Variants in URB1 observed in about 807,000 individuals in gnomAD.
URB1 encodes the protein URB1 ribosome biogenesis factor, also known as nucleolar pre-ribosomal-associated protein 1.
Under a neutral mutation model 242.3 loss-of-function variants are expected in URB1, and 197 were observed. The observed-to-expected ratio is 0.81, with a 90% CI of 0.72 to 0.91. The LOEUF is 0.91. Ranked by LOEUF, URB1 falls within the 40% of genes least tolerant of loss-of-function variation. URB1 has a pLI of 0.00. For synonymous variants in URB1, 1,153 were observed against 1,201.8 expected, an observed-to-expected ratio of 0.96 and a Z score of 0.84; for missense variants, 2,721 against 2,860.5, an observed-to-expected ratio of 0.95 and a Z score of 1.11.
At position 32,373,722 on chromosome 21, in the gene URB1, C is replaced by T. The variant is rs374005303; in HGVS notation, c.801G>A (p.Thr267=). 42 of 1,548,284 alleles carry T rather than the reference C, an allele frequency of 2.7e-5. No homozygotes were observed. Among genetic ancestry groups the T allele is most frequent in the East Asian group, 2.7e-4 (11 of 40,608 alleles). ...ATGCTATGTGGTTCAATAACTGCCC[C>T]GTAAAGAAACGCACCTTCTGGGTTT... ...ITKTQKVRFF[T]GQLLNHIASL... The change falls in exon 7 of 39, where the codon ACG becomes ACA. Residue 267 remains threonine (T), a synonymous_variant. Transcript: ENST00000382751.
chr21:32,325,138 G>T, intron 31 of URB1, 91 bp downstream of exon 31: 2 of 1,431,630 alleles, frequency 1.4e-6, no homozygotes. Flanking sequence ...GTGTTCCCTA[G>T]TAAATCCTTC....
chr21:32,339,682 G>A (rs1004182329), intron 25 of URB1, among the ~76,000 whole-genome samples: 29 of 151,854 alleles, frequency 1.9e-4, no homozygotes, highest in East Asian at 3.9e-4. Flanking sequence ...TAGTAGAGAC[G>A]GGGTTTCACT....
At position 32,377,548 on chromosome 21, in the gene URB1, T is replaced by C. The variant is rs1475928019; in HGVS notation, c.664+897A>G. 2.0e-5 allele frequency among the ~76,000 whole-genome samples: 3 copies of C among 150,922 alleles called. No homozygotes were observed. In the East Asian group the frequency reaches 5.8e-4, roughly 29 times the overall value. ...GTAACAAGTAGGAAAAAAAAAAATC[T>C]GTCCGCTGCATTATGCAGAGACCAC... On this transcript the variant is annotated intron_variant, in intron 5 of 38. Coordinates refer to ENST00000382751, the MANE Select transcript of URB1 (RefSeq NM_014825.3).
intron 8 of URB1, 57 bp from the exon 9 acceptor site, chr21:32,368,655 G>A: frequency 6.9e-7 from 1 of 1,441,612 alleles, no homozygotes; most frequent in Non-Finnish European, 9.3e-7. Flanking sequence ...AGCACCCTGA[G>A]AGCTCATGGT....
intron 4 of URB1, among the ~76,000 whole-genome samples, chr21:32,379,905 G>A (rs1382936109): frequency 6.6e-6 from 1 of 152,002 alleles, no homozygotes; most frequent in East Asian, 1.9e-4. Flanking sequence ...CTTAAGCCCG[G>A]GAGGCAGAGG....
In URB1 at chr21:32,347,707, G is replaced by A; in HGVS notation, c.3117C>T (p.Val1039=). 6.4e-7 allele frequency: 1 copy of A among 1,551,166 alleles called. No individual in the cohort carries two copies. The highest frequency in any genetic ancestry group is 8.7e-7 in the Non-Finnish European group (1 of 1,147,004). ...QALPPHTLSP[V]LVKLLATHFS... is the part of the protein sequence containing the mutation. ...AGTGGGTGGCCAGGAGCTTCACGAG[G>A]ACAGGGCTGAGCGTGTGCGGCGGGA... The change falls in exon 22 of 39, where the codon GTC becomes GTT. Residue 1039 remains valine (V), a synonymous_variant. Coordinates refer to ENST00000382751, the MANE Select transcript of URB1 (RefSeq NM_014825.3).
intron 13 of URB1, 95 bp from the exon 14 acceptor site, chr21:32,360,003 G>T: frequency 8.7e-7 from 1 of 1,150,054 alleles, no homozygotes; most frequent in Non-Finnish European, 1.2e-6. Flanking sequence ...ACTCACCATG[G>T]AGAAAGAAAA....
chr21:32,338,437 G>A (rs1023861633), intron 26 of URB1, among the ~76,000 whole-genome samples: 2 of 152,144 alleles, frequency 1.3e-5, no homozygotes, highest in African/African-American at 4.8e-5. Context: ...ATTTTAACAT[G>A]AGCCCATGAT....
intron 35 of URB1, 72 bp from the exon 36 acceptor site, chr21:32,319,486 A>G: frequency 7.3e-7 from 1 of 1,376,432 alleles, no homozygotes; most frequent in Non-Finnish European, 9.6e-7. Context: ...ATCGCCCTCC[A>G]TAATCCTATC....
intron 22 of URB1, 132 bp downstream of exon 22, chr21:32,346,824 T>G (rs2033091002): frequency 7.9e-7 from 1 of 1,263,578 alleles, no homozygotes; most frequent in Non-Finnish European, 1.1e-6. Flanking sequence ...ATCTTCAGAG[T>G]TGTGTCAGAC....
Position 32,338,863 on chromosome 21 carries a change from G to C in URB1, c.4354C>G (p.Leu1452Val). The change falls in exon 26 of 39, where the codon CTC becomes GTC. Residue 1452 changes from leucine (L) to valine (V), a missense_variant. Transcript: ENST00000382751. ...YQDHTFLKML[L>V]TAVQLLYSPE... is the part of the protein sequence containing the mutation. Reference sequence around the variant, plus strand: ...CTGTACAGGAGCTGTACGGCGGTGAGGAGCATCTTTAAAAATGTGTGGTCC... The same window carrying C: ...CTGTACAGGAGCTGTACGGCGGTGACGAGCATCTTTAAAAATGTGTGGTCC... 2 of 1,550,260 alleles carry C rather than the reference G, an allele frequency of 1.3e-6. No homozygotes were observed. Among genetic ancestry groups the C allele is most frequent in the South Asian group, 2.4e-5 (2 of 84,000 alleles).
At chr21:32,317,476 A>G (rs2032705965) in intron 37 of URB1, among the ~76,000 whole-genome samples, 200 bp downstream of exon 37, 2 of 152,180 alleles carry the variant, frequency 1.3e-5, no homozygotes, top group African/African-American at 4.8e-5. Flanking sequence ...ACTTCTCCAA[A>G]GACAGGGAGC....
At chr21:32,357,712 TA>T in intron 14 of URB1, 56 bp from the exon 15 acceptor site, 1 of 1,217,062 alleles carries the variant, frequency 8.2e-7, no homozygotes, top group Non-Finnish European at 1.0e-6. Context: ...TATATAATTT[TA>T]ATATATAGTT....
chr21:32,350,814 T>A lies in URB1; in HGVS notation c.2722A>T (p.Ile908Phe). The A allele has an allele frequency of 6.4e-7, 1 of 1,551,382 alleles. No homozygotes were observed. Among genetic ancestry groups the A allele is most frequent in the Non-Finnish European group, 8.7e-7 (1 of 1,147,010 alleles). ...ATGGTGGCCTGCAGCTGCACCTGGA[T>A]GTGCTCGTCCCGAAGCGCTTGGCTC... ...YESQALRDEH[I>F]QVQLQATMPH... Residue 908 changes from isoleucine (I) to phenylalanine (F), a missense_variant, in exon 20 of 39, where the codon ATC becomes TTC. Ile to Phe is a conservative substitution (Grantham distance 21). Transcript: ENST00000382751.
chr21:32,325,163 G>C, intron 31 of URB1, 66 bp downstream of exon 31: 1 of 1,486,510 alleles, frequency 6.7e-7, no homozygotes, highest in East Asian at 2.5e-5. Flanking sequence ...AAACCGGGTG[G>C]ACAGCCAGCT....
rs780136755 is a variant in URB1, at chr21:32,334,165, C to T, written c.4855G>A (p.Glu1619Lys). 68 of 1,543,566 alleles carry T rather than the reference C, an allele frequency of 4.4e-5. No homozygotes were observed. In the African/African-American group the frequency reaches 7.3e-4, roughly 16 times the overall value. ...FPQNRRLLPPEDTQELIFKDK... is the reference protein window; with the variant it reads ...FPQNRRLLPPKDTQELIFKDK... Reference sequence around the variant, plus strand: ...GGACAGAACAGCAGCAGCCCAACCTCGGGGGGCAGCAGCCTCCGGTTCTGG... The same window carrying T: ...GGACAGAACAGCAGCAGCCCAACCTTGGGGGGCAGCAGCCTCCGGTTCTGG... Residue 1619 changes from glutamate (E) to lysine (K), a missense_variant and splice_region_variant, in exon 29 of 39, where the codon GAG becomes AAG. Physicochemically the swap from Glu to Lys is moderately conservative, Grantham distance 56. Transcript: ENST00000382751.
intron 5 of URB1, among the ~76,000 whole-genome samples, chr21:32,376,066 C>T (rs772678412): frequency 4.5e-4 from 68 of 152,260 alleles, no homozygotes; most frequent in Admixed American, 2.1e-3. Context: ...GTCTTTAGTT[C>T]CATTTTACTT....
At chr21:32,357,218 G>A (rs1397407984) in intron 15 of URB1, among the ~76,000 whole-genome samples, 3 of 151,544 alleles carry the variant, frequency 2.0e-5, no homozygotes, top group African/African-American at 7.3e-5. Flanking sequence ...CCTGGATAAC[G>A]CCAGAGCCTG....
In URB1 at chr21:32,312,330, T is replaced by C. The variant is rs2032602553; in HGVS notation, c.*2588A>G. The stretch of plus-strand genomic sequence containing the variant: ...AATCTTTACTATGCCACTTTACCAT[T>C]ACTGTGTAATGCGTTATCAGCCCTG... On this transcript the variant is annotated 3_prime_UTR_variant, in exon 39 of 39. Coordinates refer to ENST00000382751, the MANE Select transcript of URB1 (RefSeq NM_014825.3). 8.0e-7 allele frequency: 1 copy of C among 1,248,252 alleles called. No homozygotes were observed. The allele number at this position is 1,248,252 out of a possible 1,614,324, so 77.3% of individuals were successfully genotyped here. A position where few individuals can be genotyped will look rare whatever the true frequency, so the allele number is the denominator to read the frequency against.
Sources: gnomAD v4.1 joint callset for allele counts (sites outside exome capture counted in the v4.1 genomes callset) on GRCh38, gnomAD v4.1.1 for gene constraint, MANE v1.5 for transcripts, NCBI Gene and HGNC (gene_info 2026-07-23, HGNC 2026-07-21) for gene names.